The following HIBCH variants were observed in gnomAD, a reference collection of about 807,000 sequenced individuals.
HIBCH encodes 3-hydroxyisobutyryl-CoA hydrolase, also known as 3-hydroxyisobutyryl-CoA hydrolase, mitochondrial.
In HIBCH, 50 loss-of-function variants were observed where a neutral mutation model predicts 58.2. The ratio of observed to expected loss-of-function variants is 0.86; its 90% CI spans 0.68 to 1.09. The LOEUF is 1.09. Ranked by LOEUF, HIBCH falls within the 50% of genes least tolerant of loss-of-function variation. The probability of loss-of-function intolerance (pLI) is 0.00; values close to 1 mark genes in which losing one functional copy is unlikely to be tolerated. For missense variants in HIBCH, 450 were observed against 449.7 expected (o/e 1.00, Z -0.01); for synonymous variants, 151 against 146.9 (o/e 1.03, Z -0.20).
rs202125409 is a variant in HIBCH at position 190,252,225 on chromosome 2, G to C, written c.600C>G (p.Phe200Leu). ...KLGYFLALTG[F>L]RLKGRDVYRA... is the part of the protein sequence containing the mutation. ...TGTACACATCTCTTCCTTTTAGTCT[G>C]AATCCTGTTAATGCAAGGAAGTAAC... Residue 200 changes from phenylalanine (F) to leucine (L), a missense_variant, in exon 8 of 14, where the codon TTC (phenylalanine) becomes TTG (leucine). Phe to Leu is a conservative substitution (Grantham distance 22). Coordinates refer to ENST00000359678, the MANE Select transcript of HIBCH (RefSeq NM_014362.4). The C allele has an allele frequency of 6.2e-7, 1 of 1,613,596 alleles. No individual in the cohort carries two copies. Among genetic ancestry groups the C allele is most frequent in the Non-Finnish European group, 8.5e-7 (1 of 1,179,562 alleles).
At chr2:190,262,173 A>AAAG (rs1553501953) in intron 6 of HIBCH, among the ~76,000 whole-genome samples, 13 of 151,016 alleles carry the variant, frequency 8.6e-5, no homozygotes, top group East Asian at 3.9e-4. Context: ...CAAAAAAAAA[A>AAAG]AAAAGAAAAG....
Position 190,228,864 on chromosome 2 carries a change from T to C in HIBCH, c.892-15789A>G, listed in dbSNP as rs35585997. Among the ~76,000 whole-genome samples the C allele has an allele frequency of 6.4e-3, 977 of 152,280 alleles. 10 individuals are homozygous for C. The highest frequency in any genetic ancestry group is 0.011 in the Non-Finnish European group (777 of 68,008). ...CAAAAATATTGCTGAGCACCTACAA[T>C]GCACTACAGGGGAGACAATAACAAA... On this transcript the variant is annotated intron_variant, in intron 11 of 13. Coordinates refer to ENST00000359678, the MANE Select transcript of HIBCH (RefSeq NM_014362.4).
At chr2:190,287,058 G>GTGTGTA (rs10662510) in intron 6 of HIBCH, among the ~76,000 whole-genome samples, 85 of 147,782 alleles carry the variant, frequency 5.8e-4, no homozygotes, top group East Asian at 1.2e-3. Context: ...GTGTGTGTGT[G>GTGTGTA]TATACATATA....
chr2:190,303,063 G>A (rs1487947444), intron 2 of HIBCH, among the ~76,000 whole-genome samples: 1 of 152,096 alleles, frequency 6.6e-6, no homozygotes, highest in Non-Finnish European at 1.5e-5. Context: ...AGAACAAGAA[G>A]GGAAAGACAG....
At chr2:190,274,042 C>T (rs1012873689) in intron 6 of HIBCH, among the ~76,000 whole-genome samples, 1 of 152,140 alleles carries the variant, frequency 6.6e-6, no homozygotes, top group Non-Finnish European at 1.5e-5. Flanking sequence ...TCTCAAGTGA[C>T]TCTCCCACGC....
At chr2:190,198,536 G>A (rs1402464076) in intron 1 of HIBCH, among the ~76,000 whole-genome samples, 1 of 150,932 alleles carries the variant, frequency 6.6e-6, no homozygotes, top group African/African-American at 2.4e-5. Context: ...GTGGGCTGAG[G>A]TGGAAGGATC....
chr2:190,217,705 A>G lies in HIBCH; in HGVS notation c.892-4630T>C, dbSNP rs774644148. Among the ~76,000 whole-genome samples, 7 of 152,160 alleles carry G rather than the reference A, an allele frequency of 4.6e-5. No individual in the cohort carries two copies. The highest frequency in any genetic ancestry group is 8.8e-5 in the Non-Finnish European group (6 of 68,028). On this transcript the variant is annotated intron_variant, in intron 11 of 13. Coordinates refer to ENST00000359678, the MANE Select transcript of HIBCH (RefSeq NM_014362.4). This position sits in a 1 kb window ranked among gnomAD's most constrained non-coding sequence, Gnocchi z 4.6. ...CTTCCAGGCTGGCAACTCGGTGCTA[A>G]TTAAAACCTGGAAAGAAGACATGCT...
At chr2:190,192,698 G>A (rs1415380066) in intron 1 of HIBCH, among the ~76,000 whole-genome samples, 1 of 151,982 alleles carries the variant, frequency 6.6e-6, no homozygotes, top group African/African-American at 2.4e-5. Context: ...GTAACATTTT[G>A]TATTTTTCAC....
At chr2:190,242,609 T>G (rs577459244) in intron 11 of HIBCH, among the ~76,000 whole-genome samples, 1 of 152,188 alleles carries the variant, frequency 6.6e-6, no homozygotes, top group East Asian at 1.9e-4. Context: ...GGTTTTTGTG[T>G]GGGTGTCCTT....
intron 6 of HIBCH, among the ~76,000 whole-genome samples, chr2:190,286,711 A>T (rs989797965): frequency 1.3e-5 from 2 of 152,222 alleles, no homozygotes; most frequent in African/African-American, 4.8e-5. Flanking sequence ...GTTACATTTT[A>T]GACTTCTCTG....
intron 1 of HIBCH, among the ~76,000 whole-genome samples, chr2:190,316,299 T>G (rs1464890824): frequency 6.6e-6 from 1 of 152,044 alleles, no homozygotes; most frequent in Non-Finnish European, 1.5e-5. Flanking sequence ...CCTGGCTGAT[T>G]TTTAAATTTT....
intron 6 of HIBCH, among the ~76,000 whole-genome samples, chr2:190,274,871 C>T (rs1687506051): frequency 1.3e-5 from 2 of 152,166 alleles, no homozygotes; most frequent in African/African-American, 4.8e-5. Context: ...TCCTTCTCTT[C>T]CCCAGAAAGG....
intron 12 of HIBCH, 33 bp downstream of exon 12, chr2:190,212,923 C>T: frequency 6.3e-7 from 1 of 1,575,034 alleles, no homozygotes; most frequent in South Asian, 1.1e-5. Context: ...ACTTTTAGAA[C>T]TAAAAAATGA....
intron 7 of HIBCH, among the ~76,000 whole-genome samples, chr2:190,253,314 T>TA (rs1244110761): frequency 6.6e-6 from 1 of 152,212 alleles, no homozygotes; most frequent in East Asian, 1.9e-4. Context: ...GTATCTGTTC[T>TA]AAAGTTTCCT....
chr2:190,262,163 C>CAAAAAAAAAA (rs982653583), intron 6 of HIBCH, among the ~76,000 whole-genome samples: 12 of 91,786 alleles, frequency 1.3e-4, no homozygotes, highest in African/African-American at 4.3e-4. Context: ...GCGGTAGAGA[C>CAAAAAAAAAA]AAAAAAAAAA....
chr2:190,199,819 T>C, downstream of HIBCH: 2 of 1,596,844 alleles, frequency 1.3e-6, no homozygotes, highest in Non-Finnish European at 1.7e-6. Flanking sequence ...GGCCTGGAAG[T>C]AGTCTTTGCC....
intron 9 of HIBCH, among the ~76,000 whole-genome samples, chr2:190,247,621 C>T (rs1346749980): frequency 1.3e-5 from 2 of 152,108 alleles, no homozygotes; most frequent in Non-Finnish European, 2.9e-5. Context: ...TCCATTCTCT[C>T]CCTTTTCTAT....
At chr2:190,234,339 T>C (rs537855238) in intron 11 of HIBCH, among the ~76,000 whole-genome samples, 1 of 152,374 alleles carries the variant, frequency 6.6e-6, no homozygotes, top group South Asian at 2.1e-4. Context: ...TGTGTGTCTA[T>C]GTTATCACAA....
intron 6 of HIBCH, among the ~76,000 whole-genome samples, chr2:190,263,477 G>A (rs1274920304): frequency 6.6e-6 from 1 of 152,012 alleles, no homozygotes; most frequent in African/African-American, 2.4e-5. Flanking sequence ...ACAATAATTA[G>A]ATGTCATCCT....
Sources: gnomAD v4.1 joint callset for allele counts (sites outside exome capture counted in the v4.1 genomes callset) on GRCh38, gnomAD v4.1.1 for gene constraint, Gnocchi (gnomAD v3.1) non-coding constraint, MANE v1.5 for transcripts, NCBI Gene and HGNC (gene_info 2026-07-23, HGNC 2026-07-21) for gene names.